The following ARHGAP6 variants were observed in gnomAD, a reference collection of about 807,000 sequenced individuals.
The protein encoded by ARHGAP6 is rho GTPase-activating protein 6.
ARHGAP6 carries 16 observed loss-of-function variants against 55.7 expected under a neutral mutation model. That is an observed-to-expected ratio of 0.29 (90% confidence interval 0.19 to 0.44). The LOEUF (loss-of-function observed/expected upper bound fraction) is 0.44. Ranked by LOEUF, ARHGAP6 falls within the 20% of genes least tolerant of loss-of-function variation. The pLI is 1.00. For synonymous variants in ARHGAP6, 382 were observed against 360.9 expected (o/e 1.06, Z -0.66); for missense variants, 698 against 808.9 (o/e 0.86, Z 1.66).
intron 1 of ARHGAP6, among the ~76,000 whole-genome samples, chrX:11,353,413 C>A (rs1316452542): frequency 9.0e-6 from 1 of 111,641 alleles, no homozygotes; most frequent in Admixed American, 9.5e-5. Flanking sequence ...TTCAAGTCAC[C>A]CTGAGAACTA....
At chrX:11,397,193 G>C (rs1036435239) in intron 1 of ARHGAP6, among the ~76,000 whole-genome samples, 4 of 111,471 alleles carry the variant, frequency 3.6e-5, no homozygotes, top group African/African-American at 1.3e-4. Context: ...TCTCCTACAA[G>C]GCATCCTTAC....
intron 1 of ARHGAP6, among the ~76,000 whole-genome samples, chrX:11,388,090 A>C (rs1399511386): frequency 8.9e-6 from 1 of 111,855 alleles, no homozygotes; most frequent in Non-Finnish European, 1.9e-5. Flanking sequence ...GGCTGGGTCA[A>C]ATGGTATTTC....
chrX:11,625,129 A>G (rs1031084990), intron 1 of ARHGAP6, among the ~76,000 whole-genome samples: 2 of 111,834 alleles, frequency 1.8e-5, no homozygotes, highest in Non-Finnish European at 3.8e-5. Context: ...GAACTGTAAC[A>G]CCATATGATC....
At chrX:11,260,215 T>C (rs763878997) in intron 1 of ARHGAP6, among the ~76,000 whole-genome samples, 2 of 111,584 alleles carry the variant, frequency 1.8e-5, no homozygotes, top group South Asian at 3.7e-4. Flanking sequence ...AGAAGGAACA[T>C]GGCCTTTGAT....
intron 1 of ARHGAP6, among the ~76,000 whole-genome samples, chrX:11,553,495 G>C (rs773308145): frequency 9.0e-6 from 1 of 111,363 alleles, no homozygotes; most frequent in South Asian, 3.8e-4. Flanking sequence ...TGCCTGCCTC[G>C]GCCTCCCAAA....
intron 1 of ARHGAP6, among the ~76,000 whole-genome samples, chrX:11,259,753 T>C (rs994927031): frequency 9.0e-6 from 1 of 111,648 alleles, no homozygotes; most frequent in African/African-American, 3.3e-5. Context: ...TCTTAGCCAC[T>C]ACAATATTCT....
chrX:11,491,695 G>T (rs929156054), intron 1 of ARHGAP6, among the ~76,000 whole-genome samples: 1 of 111,527 alleles, frequency 9.0e-6, no homozygotes, highest in East Asian at 2.8e-4. Flanking sequence ...TGTCTTTATA[G>T]CAGCATGATT....
intron 8 of ARHGAP6, among the ~76,000 whole-genome samples, chrX:11,174,660 T>TTTCTTTCTTTCTTTCTTTCTTTC (rs2046177698): frequency 1.1e-5 from 1 of 88,090 alleles, no homozygotes; most frequent in Non-Finnish European, 2.2e-5. Context: ...TCTTTCTTTC[T>TTTCTTTCTTTCTTTCTTTCTTTC]TTCTTTCTTT....
chrX:11,220,179 G>T (rs2046947283), intron 2 of ARHGAP6, among the ~76,000 whole-genome samples: 2 of 110,339 alleles, frequency 1.8e-5, no homozygotes, highest in Non-Finnish European at 3.8e-5. Flanking sequence ...TCTCAGGTTT[G>T]TCAAAGATCA....
intron 1 of ARHGAP6, among the ~76,000 whole-genome samples, chrX:11,276,218 C>G (rs191573250): frequency 9.0e-6 from 1 of 111,426 alleles, no homozygotes; most frequent in East Asian, 2.8e-4. Context: ...TCATCTCCCC[C>G]CGACCCTGCC....
intron 1 of ARHGAP6, among the ~76,000 whole-genome samples, chrX:11,498,211 G>A (rs747520975): frequency 1.9e-4 from 21 of 111,335 alleles, no homozygotes; most frequent in African/African-American, 5.9e-4. Flanking sequence ...TCTCATGCAC[G>A]TATATGAGAA....
intron 1 of ARHGAP6, among the ~76,000 whole-genome samples, chrX:11,358,268 G>C (rs940022574): frequency 9.0e-6 from 1 of 111,423 alleles, no homozygotes; most frequent in Non-Finnish European, 1.9e-5. Context: ...TTGTTTATTT[G>C]TTGATGAACA....
chrX:11,453,191 T>TATATATATATATA (rs1569350285), intron 1 of ARHGAP6, among the ~76,000 whole-genome samples: 3 of 96,076 alleles, frequency 3.1e-5, no homozygotes, highest in South Asian at 4.6e-4. Context: ...GCTCTCTCTC[T>TATATATATATATA]CTCTATATAT....
At chrX:11,485,982 C>G (rs2050507430) in intron 1 of ARHGAP6, among the ~76,000 whole-genome samples, 1 of 111,900 alleles carries the variant, frequency 8.9e-6, no homozygotes, top group Non-Finnish European at 1.9e-5. Flanking sequence ...TATTTGATAG[C>G]ATAAGAAACA....
intron 1 of ARHGAP6, among the ~76,000 whole-genome samples, chrX:11,512,668 C>A (rs1478499479): frequency 9.0e-6 from 1 of 110,832 alleles, no homozygotes; most frequent in Non-Finnish European, 1.9e-5. Flanking sequence ...TAAGAAAAAC[C>A]CAGGAGAATC....
chrX:11,432,602 A>T (rs759747584), intron 1 of ARHGAP6, among the ~76,000 whole-genome samples: 6 of 112,554 alleles, frequency 5.3e-5, no homozygotes, highest in Non-Finnish European at 1.1e-4. Context: ...TTATATGAAG[A>T]CTGAACACAG....
rs566792224 is a variant in ARHGAP6, at chrX:11,344,800, C to T, written c.589-90093G>A. Among the ~76,000 whole-genome samples, 12 of 109,847 alleles carry T rather than the reference C, an allele frequency of 1.1e-4. No individual in the cohort carries two copies. In the South Asian group the frequency reaches 4.0e-3, roughly 36 times the overall value. On this transcript the variant is annotated intron_variant, in intron 1 of 12. Transcript: ENST00000337414. ...TCAGAATCAGTATCTTTTCAAAGCTCGGTAGGTGATACAAAGGTCCAGCCA... is the reference window on the plus strand; with the variant it reads ...TCAGAATCAGTATCTTTTCAAAGCTTGGTAGGTGATACAAAGGTCCAGCCA...
In ARHGAP6 at chrX:11,405,589, G is replaced by A. The variant is rs752345914; in HGVS notation, c.589-150882C>T. Reference sequence around the variant, plus strand: ...TAAAAAATTTTAATGGCAAGCTCTGGCATATTAATTGGAAATCCTTGGTTC... The same window carrying A: ...TAAAAAATTTTAATGGCAAGCTCTGACATATTAATTGGAAATCCTTGGTTC... On this transcript the variant is annotated intron_variant, in intron 1 of 12. Coordinates refer to ENST00000337414, the MANE Select transcript of ARHGAP6 (RefSeq NM_013427.3). Among the ~76,000 whole-genome samples the A allele has an allele frequency of 7.1e-5, 8 of 111,998 alleles. 1 individual carries two copies. The East Asian group carries it at 2.2e-3, about 31-fold the overall frequency.
At chrX:11,497,546 T>TCCCCC (rs2050634960) in intron 1 of ARHGAP6, among the ~76,000 whole-genome samples, 1 of 31,936 alleles carries the variant, frequency 3.1e-5, no homozygotes. Context: ...CCCACCCCCT[T>TCCCCC]CCCCCTCCCT....
Sources: allele counts gnomAD v4.1 joint callset (sites outside exome capture counted in the v4.1 genomes callset), GRCh38; gene constraint gnomAD v4.1.1; transcripts MANE v1.5; gene names NCBI Gene and HGNC (gene_info 2026-07-23, HGNC 2026-07-21).